XKR6: variants seen among roughly 807,000 people sequenced by gnomAD.
XKR6 encodes the protein XK-related protein 6.
A neutral mutation model predicts 56.7 loss-of-function variants in XKR6; 22 were observed. The ratio of observed to expected loss-of-function variants is 0.39; its 90% confidence interval spans 0.28 to 0.55. The LOEUF is 0.55. Among genes scored for constraint, XKR6 ranks in the 20% least tolerant of loss-of-function variants. XKR6 has a pLI of 0.66. For synonymous variants in XKR6, 524 were observed against 387.8 expected (o/e 1.35, Z -4.13); for missense variants, 852 against 889.0 (o/e 0.96, Z 0.53).
intron 1 of XKR6, among the ~76,000 whole-genome samples, chr8:11,083,017 A>G (rs558724419): frequency 6.6e-6 from 1 of 152,266 alleles, no homozygotes; most frequent in African/African-American, 2.4e-5. Context: ...CAGGCAGCGC[A>G]CAGCACTCCG....
chr8:10,988,785 C>G (rs1797922302), intron 1 of XKR6, among the ~76,000 whole-genome samples: 1 of 152,178 alleles, frequency 6.6e-6, no homozygotes, highest in African/African-American at 2.4e-5. Context: ...CAGAACATAA[C>G]CTCAAAACAT....
intron 1 of XKR6, among the ~76,000 whole-genome samples, chr8:11,182,707 T>C (rs73198970): frequency 0.37 from 56,210 of 152,140 alleles, 11,041 homozygotes; most frequent in Middle Eastern, 0.44. Context: ...TTTGTAAAAA[T>C]TGTTTTAATT....
chr8:11,144,441 G>A (rs73665009), intron 1 of XKR6, among the ~76,000 whole-genome samples: 7,380 of 151,596 alleles, frequency 0.049, 623 homozygotes, highest in African/African-American at 0.17. Flanking sequence ...TCGAGAAGCA[G>A]GAAGTAGACT....
chr8:10,900,002 A>G (rs1799990777), intron 2 of XKR6, among the ~76,000 whole-genome samples: 1 of 151,964 alleles, frequency 6.6e-6, no homozygotes, highest in Admixed American at 6.6e-5. Flanking sequence ...TTCCCCCATC[A>G]CCAACCCCCA....
intron 1 of XKR6, among the ~76,000 whole-genome samples, chr8:10,988,271 C>T (rs952307427): frequency 2.0e-5 from 3 of 152,168 alleles, no homozygotes; most frequent in African/African-American, 7.2e-5. Flanking sequence ...GTTACTGTTT[C>T]CCCTGCACCT....
intron 1 of XKR6, among the ~76,000 whole-genome samples, chr8:10,988,345 T>C (rs979962922): frequency 1.3e-5 from 2 of 152,244 alleles, no homozygotes; most frequent in Non-Finnish European, 2.9e-5. Flanking sequence ...GTAGGTGAAT[T>C]AACTCAGTCG....
chr8:10,899,857 C>A (rs937658725), intron 2 of XKR6, among the ~76,000 whole-genome samples: 2 of 152,168 alleles, frequency 1.3e-5, no homozygotes, highest in Non-Finnish European at 2.9e-5. Flanking sequence ...AATTTTATAT[C>A]CAACTCTGAC....
chr8:10,978,376 T>A (rs1797636787), intron 1 of XKR6, among the ~76,000 whole-genome samples: 1 of 152,248 alleles, frequency 6.6e-6, no homozygotes, highest in African/African-American at 2.4e-5. Context: ...ATAACTCTTG[T>A]CAAGACTTAA....
In XKR6 at chr8:11,106,863, A is replaced by AAAAAAAAAAAAG. The variant is rs60435831; in HGVS notation, c.764+93712_764+93713insCTTTTTTTTTTT. Reference sequence around the variant, plus strand: ...GAGACTTCATCTCAAAAAAAAAAAAAAATAAAAAAGATACAACGTTACAAA... The same window carrying AAAAAAAAAAAAG: ...GAGACTTCATCTCAAAAAAAAAAAAAAAAAAAAAAAAGAATAAAAAAGATACAACGTTACAAA... On this transcript the variant is annotated intron_variant, in intron 1 of 2. Transcript: ENST00000416569. Among the ~76,000 whole-genome samples the AAAAAAAAAAAAG allele has an allele frequency of 3.1e-4, 34 of 109,910 alleles. 5 individuals carry two copies. Among genetic ancestry groups the AAAAAAAAAAAAG allele is most frequent in the African/African-American group, 6.0e-4 (13 of 21,630 alleles). 72.1% of individuals were successfully genotyped at this position (109,910 alleles called of 152,430 possible). A position where few individuals can be genotyped will look rare whatever the true frequency, so the allele number is the denominator to read the frequency against.
At chr8:11,130,661 G>C (rs377282906) in intron 1 of XKR6, among the ~76,000 whole-genome samples, 43 of 151,494 alleles carry the variant, frequency 2.8e-4, no homozygotes, top group Admixed American at 1.3e-3. Flanking sequence ...TGATGTAAAA[G>C]GCCACTCAGG....
rs1174276175 is a variant in XKR6 at position 11,145,819 on chromosome 8, A to G, written c.764+54757T>C. 3.3e-5 allele frequency among the ~76,000 whole-genome samples: 5 copies of G among 152,220 alleles called. No homozygotes were observed. The East Asian group carries it at 7.7e-4, about 23-fold the overall frequency. On this transcript the variant is annotated intron_variant, in intron 1 of 2. Transcript: ENST00000416569. The stretch of plus-strand genomic sequence containing the variant: ...CTCAACACGATCAAAATCCTAGCAC[A>G]CTGTTTTTGTAGAAATTAACAAACT...
At chr8:11,006,260 C>T (rs1798366559) in intron 1 of XKR6, among the ~76,000 whole-genome samples, 1 of 152,104 alleles carries the variant, frequency 6.6e-6, no homozygotes, top group South Asian at 2.1e-4. Context: ...GCAGAAGAGC[C>T]AGTTAGTGGC....
chr8:11,002,724 C>T (rs974172772), intron 1 of XKR6, among the ~76,000 whole-genome samples: 1 of 152,230 alleles, frequency 6.6e-6, no homozygotes, highest in African/African-American at 2.4e-5. Flanking sequence ...CAAGCATTGT[C>T]TTCTTCCACC....
At chr8:10,977,538 T>A (rs549731232) in intron 1 of XKR6, among the ~76,000 whole-genome samples, 11 of 150,736 alleles carry the variant, frequency 7.3e-5, no homozygotes, top group Non-Finnish European at 1.2e-4. Flanking sequence ...ACAACAGAAC[T>A]ATCCAAGCCC....
chr8:11,003,754 C>A (rs1798299537), intron 1 of XKR6, among the ~76,000 whole-genome samples: 1 of 152,180 alleles, frequency 6.6e-6, no homozygotes, highest in Admixed American at 6.5e-5. Flanking sequence ...CAAGCTGTCT[C>A]CATCAACAAA....
intron 1 of XKR6, chr8:11,137,528 G>C (rs1307181979): frequency 2.2e-6 from 1 of 456,042 alleles, no homozygotes; most frequent in East Asian, 6.9e-5. Flanking sequence ...CCAGGCAACT[G>C]CTGCGGTATA....
intron 1 of XKR6, among the ~76,000 whole-genome samples, chr8:11,100,199 T>C (rs1429539618): frequency 2.6e-5 from 4 of 152,078 alleles, no homozygotes; most frequent in South Asian, 2.1e-4. Flanking sequence ...ACTACAGGCA[T>C]AAGCCATCAT....
intron 1 of XKR6, among the ~76,000 whole-genome samples, chr8:11,011,245 G>A (rs965921301): frequency 6.6e-6 from 1 of 152,208 alleles, no homozygotes; most frequent in Non-Finnish European, 1.5e-5. Context: ...ACAATACAGT[G>A]ACATCAGTGC....
At chr8:11,071,767 G>A (rs1389287690) in intron 1 of XKR6, among the ~76,000 whole-genome samples, 4 of 152,270 alleles carry the variant, frequency 2.6e-5, no homozygotes, top group South Asian at 4.2e-4. Context: ...CGAGGCCCAA[G>A]GTCAGGCTGG....
Sources: gnomAD v4.1 joint callset for allele counts (sites outside exome capture counted in the v4.1 genomes callset) on GRCh38, gnomAD v4.1.1 for gene constraint, MANE v1.5 for transcripts, NCBI Gene and HGNC (gene_info 2026-07-23, HGNC 2026-07-21) for gene names.